Variants in COP1 observed in about 807,000 individuals in gnomAD.
COP1 encodes E3 ubiquitin-protein ligase COP1.
In COP1, 24 loss-of-function variants were observed where a neutral mutation model predicts 101.3. The observed-to-expected ratio is 0.24, with a 90% CI of 0.17 to 0.33. The LOEUF is 0.33. COP1 is among the 10% of genes least tolerant of loss of function. The pLI is 1.00. For missense variants in COP1, 663 were observed against 906.2 expected, an observed-to-expected ratio of 0.73 and a Z score of 3.45; for synonymous variants, 347 against 341.9, an observed-to-expected ratio of 1.01 and a Z score of -0.17.
chr1:176,149,115 CTG>C (rs1454040702), intron 5 of COP1, 41 bp from the exon 6 acceptor site: 1 of 1,348,016 alleles, frequency 7.4e-7, no homozygotes, highest in Admixed American at 2.0e-5. Flanking sequence ...AAAAATATAA[CTG>C]AGTTGAAAGT....
intron 8 of COP1, among the ~76,000 whole-genome samples, chr1:176,130,529 GA>G (rs1688714057): frequency 6.6e-6 from 1 of 151,750 alleles, no homozygotes; most frequent in Non-Finnish European, 1.5e-5. Flanking sequence ...TGAAATGGAT[GA>G]AAGCTTAAAA....
chr1:176,042,144 A>C (rs1005807656), intron 14 of COP1, among the ~76,000 whole-genome samples: 2 of 151,058 alleles, frequency 1.3e-5, no homozygotes, highest in Non-Finnish European at 2.9e-5. Context: ...GGCGGTGCAC[A>C]CCTATAATCC....
At chr1:175,990,382 T>C (rs1275464762) in intron 15 of COP1, among the ~76,000 whole-genome samples, 3 of 152,184 alleles carry the variant, frequency 2.0e-5, no homozygotes, top group African/African-American at 7.2e-5. Context: ...TTTAAATTTA[T>C]TGACTTATTT....
At chr1:176,165,886 T>C (rs1351644539) in intron 3 of COP1, among the ~76,000 whole-genome samples, 1 of 152,102 alleles carries the variant, frequency 6.6e-6, no homozygotes, top group Non-Finnish European at 1.5e-5. Flanking sequence ...GGAGAGAGCA[T>C]GAAATAATTC....
At chr1:176,089,952 A>T (rs905048088) in intron 9 of COP1, among the ~76,000 whole-genome samples, 8 of 152,200 alleles carry the variant, frequency 5.3e-5, no homozygotes, top group African/African-American at 1.9e-4. Flanking sequence ...TTCCCCTTCC[A>T]GGCCCTCCCA....
chr1:176,159,895 C>G (rs1055270267), intron 5 of COP1, among the ~76,000 whole-genome samples: 2 of 152,106 alleles, frequency 1.3e-5, no homozygotes, highest in African/African-American at 4.8e-5. Flanking sequence ...TAAGTCAGAT[C>G]TAAGACATAC....
In COP1 at chr1:176,155,780, T is replaced by C. The variant is rs1558221734; in HGVS notation, c.763-6706A>G. Among the ~76,000 whole-genome samples the C allele has an allele frequency of 3.9e-5, 6 of 152,156 alleles. No homozygotes were observed. The South Asian group carries it at 1.0e-3, about 26-fold the overall frequency. On this transcript the variant is annotated intron_variant, in intron 5 of 19. Transcript: ENST00000367669. ...AAAGCAGTTAGAGAGAAAAACGATA[T>C]ACTAGCTTTAGGAGAAGGATGGTAA... is the stretch of plus-strand genomic sequence containing the variant.
chr1:176,146,918 G>C (rs1691662137), intron 6 of COP1, among the ~76,000 whole-genome samples: 1 of 152,116 alleles, frequency 6.6e-6, no homozygotes, highest in African/African-American at 2.4e-5. Context: ...TTACTAGCCA[G>C]TTGTGACAGT....
At chr1:176,130,187 G>A (rs1292309611) in intron 8 of COP1, among the ~76,000 whole-genome samples, 1 of 151,552 alleles carries the variant, frequency 6.6e-6, no homozygotes, top group Non-Finnish European at 1.5e-5. Context: ...TAACAAAAAT[G>A]TTTTGCTTTA....
intron 5 of COP1, among the ~76,000 whole-genome samples, chr1:176,156,959 A>C (rs1259295119): frequency 2.0e-5 from 3 of 152,178 alleles, no homozygotes; most frequent in Non-Finnish European, 2.9e-5. Flanking sequence ...GCACTTTTGG[A>C]GGCCAAGGCA....
chr1:176,009,359 A>G (rs1664181711), intron 15 of COP1, among the ~76,000 whole-genome samples: 1 of 152,240 alleles, frequency 6.6e-6, no homozygotes, highest in Non-Finnish European at 1.5e-5. Context: ...TTCTCAAGTT[A>G]TTTCATAAGA....
At position 176,182,769 on chromosome 1, in the gene COP1, G is replaced by A. The variant is rs1697959642; in HGVS notation, c.467+1864C>T. On this transcript the variant is annotated intron_variant, in intron 2 of 19. Transcript: ENST00000367669. ...AGACCATACCTGTATCAGCCCTGAAGCAAGACCCACATGTCCAGAATGTCA... is the reference window on the plus strand; with the variant it reads ...AGACCATACCTGTATCAGCCCTGAAACAAGACCCACATGTCCAGAATGTCA... Among the ~76,000 whole-genome samples the A allele has an allele frequency of 2.0e-5, 3 of 152,202 alleles. No individual in the cohort carries two copies. In the South Asian group the frequency reaches 6.2e-4, roughly 31 times the overall value.
intron 2 of COP1, among the ~76,000 whole-genome samples, chr1:176,177,420 C>T (rs1250888272): frequency 1.3e-5 from 2 of 151,032 alleles, no homozygotes; most frequent in African/African-American, 2.4e-5. Context: ...ATCTATAACA[C>T]AGTGGATATA....
chr1:176,019,502 TAATAAC>T (rs1666320634), intron 15 of COP1, among the ~76,000 whole-genome samples: 2 of 140,052 alleles, frequency 1.4e-5, no homozygotes, highest in Non-Finnish European at 1.5e-5. Flanking sequence ...ATAATAATAA[TAATAAC>T]CATCATCATC....
intron 15 of COP1, among the ~76,000 whole-genome samples, chr1:176,005,836 G>A (rs1663039882): frequency 1.3e-5 from 2 of 152,130 alleles, no homozygotes; most frequent in South Asian, 4.1e-4. Flanking sequence ...TTGATTTGGG[G>A]TGGAGAGTTC....
intron 8 of COP1, 35 bp from the exon 9 acceptor site, chr1:176,116,716 A>AT: frequency 7.0e-7 from 1 of 1,423,412 alleles, no homozygotes. Context: ...TGATTTCAGT[A>AT]TTTACATTAT....
chr1:176,134,723 C>T (rs1383038155), intron 8 of COP1, among the ~76,000 whole-genome samples: 1 of 152,090 alleles, frequency 6.6e-6, no homozygotes, highest in East Asian at 1.9e-4. Flanking sequence ...TGTCATCTGA[C>T]TTTAATTCAC....
At chr1:176,088,733 T>C (rs1371002638) in intron 9 of COP1, among the ~76,000 whole-genome samples, 1 of 151,806 alleles carries the variant, frequency 6.6e-6, no homozygotes, top group Non-Finnish European at 1.5e-5. Context: ...CAGTGGCTCG[T>C]ACCTGTAATC....
intron 1 of COP1, among the ~76,000 whole-genome samples, chr1:176,203,011 C>G (rs928886483): frequency 6.6e-6 from 1 of 151,918 alleles, no homozygotes; most frequent in Non-Finnish European, 1.5e-5. Flanking sequence ...TAATGTAGAT[C>G]CTAACTATTT....
Sources: gnomAD v4.1 joint callset for allele counts (sites outside exome capture counted in the v4.1 genomes callset) on GRCh38, gnomAD v4.1.1 for gene constraint, MANE v1.5 for transcripts, NCBI Gene and HGNC (gene_info 2026-07-23, HGNC 2026-07-21) for gene names.